Variants in GHR observed in about 807,000 individuals in gnomAD.
GHR encodes growth hormone receptor.
A neutral mutation model predicts 67.1 loss-of-function variants in GHR; 35 were observed. That is an observed-to-expected ratio of 0.52 (90% confidence interval 0.40 to 0.69). The LOEUF (loss-of-function observed/expected upper bound fraction) is 0.69. GHR is among the 30% of genes least tolerant of loss of function. The pLI is 0.00. For synonymous variants in GHR, 272 were observed against 269.1 expected (o/e 1.01, Z -0.10); for missense variants, 792 against 764.6 (o/e 1.04, Z -0.42).
intron 1 of GHR, among the ~76,000 whole-genome samples, chr5:42,453,377 G>A (rs67529954): frequency 1.4e-4 from 21 of 152,136 alleles, no homozygotes; most frequent in Middle Eastern, 3.4e-3. Context: ...GGTATCCCCC[G>A]GCAGGCACCA....
At chr5:42,581,900 G>C (rs1751190332) in intron 2 of GHR, among the ~76,000 whole-genome samples, 1 of 152,230 alleles carries the variant, frequency 6.6e-6, no homozygotes, top group Non-Finnish European at 1.5e-5. Flanking sequence ...CTGCAGGCTT[G>C]GAAGTGCCTG....
chr5:42,634,682 G>A (rs1754089635), intron 3 of GHR, among the ~76,000 whole-genome samples: 1 of 152,136 alleles, frequency 6.6e-6, no homozygotes, highest in Non-Finnish European at 1.5e-5. Context: ...ATTTTATCTT[G>A]TCTATTGCTG....
intron 1 of GHR, among the ~76,000 whole-genome samples, chr5:42,435,014 T>C (rs1013793704): frequency 6.6e-6 from 1 of 152,202 alleles, no homozygotes; most frequent in African/African-American, 2.4e-5. Context: ...AGTTGATTAT[T>C]CTTATTTCAC....
Position 42,718,578 on chromosome 5 carries a change from T to C in GHR, c.1071T>C (p.Thr357=). Residue 357 remains threonine (T), a synonymous_variant, in exon 10 of 10, where the codon ACT becomes ACC. Coordinates refer to ENST00000230882, the MANE Select transcript of GHR (RefSeq NM_000163.5). ...ELDIDEPDEK[T]EESDTDRLLS... ...ATATTGATGAGCCAGATGAAAAGAC[T>C]GAGGAATCAGACACAGACAGACTTC... The C allele has an allele frequency of 6.2e-7, 1 of 1,614,148 alleles. No homozygotes were observed. The highest frequency in any genetic ancestry group is 8.5e-7 in the Non-Finnish European group (1 of 1,180,000).
chr5:42,504,848 A>C (rs188439058), intron 1 of GHR, among the ~76,000 whole-genome samples: 1 of 152,220 alleles, frequency 6.6e-6, no homozygotes, highest in African/African-American at 2.4e-5. Context: ...GCACTTTTCC[A>C]AAAGAGTCTT....
rs574384179 is a variant in GHR at position 42,672,466 on chromosome 5, A to C, written c.137-16424A>C. Among the ~76,000 whole-genome samples, 229 of 152,298 alleles carry C rather than the reference A, an allele frequency of 1.5e-3. 2 individuals are homozygous for C. The highest frequency in any genetic ancestry group is 5.2e-3 in the African/African-American group (216 of 41,564). On this transcript the variant is annotated intron_variant, in intron 3 of 9. Coordinates refer to ENST00000230882, the MANE Select transcript of GHR (RefSeq NM_000163.5). Reference sequence around the variant, plus strand: ...GAGATGAAAGATCTCATAATGCTGCACAAGTACAGCCATTTAATCTTCAAC... The same window carrying C: ...GAGATGAAAGATCTCATAATGCTGCCCAAGTACAGCCATTTAATCTTCAAC...
chr5:42,524,134 G>T (rs1322207248), intron 1 of GHR, among the ~76,000 whole-genome samples: 1 of 152,186 alleles, frequency 6.6e-6, no homozygotes, highest in Non-Finnish European at 1.5e-5. Context: ...AAGTGACTTT[G>T]GAACTGGGTA....
intron 1 of GHR, among the ~76,000 whole-genome samples, chr5:42,448,247 C>G (rs1743898106): frequency 6.6e-6 from 1 of 152,096 alleles, no homozygotes; most frequent in Non-Finnish European, 1.5e-5. Context: ...TACCTTCATG[C>G]CAACATCTAT....
intron 1 of GHR, chr5:42,550,157 T>C (rs568867577): frequency 7.7e-6 from 6 of 780,678 alleles, no homozygotes; most frequent in African/African-American, 1.9e-5. Context: ...TTCTTGAAAA[T>C]AGTGGCAGGC....
chr5:42,437,414 A>G (rs1463605485), intron 1 of GHR, among the ~76,000 whole-genome samples: 1 of 152,190 alleles, frequency 6.6e-6, no homozygotes, highest in Non-Finnish European at 1.5e-5. Flanking sequence ...GGACAGAGCC[A>G]TGTTGGATGT....
At chr5:42,429,963 TA>T (rs1743019848) in intron 1 of GHR, among the ~76,000 whole-genome samples, 1 of 152,166 alleles carries the variant, frequency 6.6e-6, no homozygotes, top group African/African-American at 2.4e-5. Context: ...GTACATCAAA[TA>T]AAGATACTTC....
At chr5:42,530,437 C>A (rs1046428111) in intron 1 of GHR, among the ~76,000 whole-genome samples, 1 of 152,102 alleles carries the variant, frequency 6.6e-6, no homozygotes, top group African/African-American at 2.4e-5. Flanking sequence ...CACAGTAATT[C>A]AAGTTACCAA....
chr5:42,525,458 A>C (rs1203745228), intron 1 of GHR, among the ~76,000 whole-genome samples: 9 of 152,198 alleles, frequency 5.9e-5, no homozygotes, highest in Non-Finnish European at 1.3e-4. Flanking sequence ...CTAGGAAGTA[A>C]CTAGCTTGCT....
intron 3 of GHR, among the ~76,000 whole-genome samples, chr5:42,683,011 A>T (rs888037630): frequency 2.7e-5 from 4 of 150,062 alleles, no homozygotes; most frequent in South Asian, 2.1e-4. Flanking sequence ...ATTTTTATAT[A>T]TTTTTTTTTG....
chr5:42,559,783 G>C (rs1469430977), intron 1 of GHR, among the ~76,000 whole-genome samples: 2 of 152,012 alleles, frequency 1.3e-5, no homozygotes, highest in Admixed American at 6.6e-5. Context: ...TTCACATAAG[G>C]CATTTTGGAT....
At position 42,509,800 on chromosome 5, in the gene GHR, G is replaced by A. The variant is rs76655223; in HGVS notation, c.-11-56064G>A. Among the ~76,000 whole-genome samples, 26 of 149,994 alleles carry A rather than the reference G, an allele frequency of 1.7e-4. No homozygotes were observed. In the East Asian group the frequency reaches 3.5e-3, roughly 20 times the overall value. On this transcript the variant is annotated intron_variant, in intron 1 of 9. Transcript: ENST00000230882. ...CTATTTTAGGAATCCAGGCTTTAAC[G>A]CTAACAGTTACAAATTAAGCCACAA...
intron 2 of GHR, among the ~76,000 whole-genome samples, chr5:42,604,215 TA>T (rs1397082673): frequency 6.6e-6 from 1 of 152,230 alleles, no homozygotes; most frequent in Non-Finnish European, 1.5e-5. Context: ...TATAGCTGTC[TA>T]GAAGCTCTCT....
At chr5:42,691,792 C>T (rs2111679573) in intron 4 of GHR, among the ~76,000 whole-genome samples, 1 of 152,344 alleles carries the variant, frequency 6.6e-6, no homozygotes, top group Non-Finnish European at 1.5e-5. Flanking sequence ...GCAGCCTCCA[C>T]ATGTTAGAGC....
At chr5:42,509,743 T>C (rs1746930526) in intron 1 of GHR, among the ~76,000 whole-genome samples, 1 of 151,432 alleles carries the variant, frequency 6.6e-6, no homozygotes, top group African/African-American at 2.4e-5. Context: ...TTTTTTTTTT[T>C]ACACGTCTAC....
Sources: allele counts gnomAD v4.1 joint callset (sites outside exome capture counted in the v4.1 genomes callset), GRCh38; gene constraint gnomAD v4.1.1; transcripts MANE v1.5; gene names NCBI Gene and HGNC (gene_info 2026-07-23, HGNC 2026-07-21).